The following PXT1 variants were observed in gnomAD, a reference collection of about 807,000 sequenced individuals.
PXT1 encodes peroxisomal testis-specific protein 1.
A neutral mutation model predicts 11.0 loss-of-function variants in PXT1; 11 were observed. The observed-to-expected ratio is 1.00, with a 90% confidence interval of 0.63 to 1.66. The LOEUF is 1.66. Among genes scored for constraint, PXT1 ranks in the 40% most tolerant of loss-of-function variants. PXT1 has a pLI of 0.00. For synonymous variants in PXT1, 43 were observed against 51.4 expected (o/e 0.84, Z 0.70); for missense variants, 141 against 155.5 (o/e 0.91, Z 0.49).
At chr6:36,392,037 T>A (rs1774076437) in intron 4 of PXT1, 163 bp from the exon 5 acceptor site, 1 of 584,554 alleles carries the variant, frequency 1.7e-6, no homozygotes, top group Non-Finnish European at 3.0e-6. Flanking sequence ...TGAAGGACAG[T>A]ACCTTCCATA....
chr6:36,417,750 A>C (rs1230974252), intron 3 of PXT1, among the ~76,000 whole-genome samples: 1 of 149,938 alleles, frequency 6.7e-6, no homozygotes, highest in Non-Finnish European at 1.5e-5. Context: ...CCTCGGAGAC[A>C]CAGTGAGATC....
At chr6:36,416,962 G>A (rs1215013954) in intron 3 of PXT1, among the ~76,000 whole-genome samples, 1 of 152,188 alleles carries the variant, frequency 6.6e-6, no homozygotes, top group Admixed American at 6.6e-5. Context: ...CTACAAAATG[G>A]GAGTTCATGT....
chr6:36,425,290 A>C (rs1774586926), intron 3 of PXT1, among the ~76,000 whole-genome samples: 1 of 152,162 alleles, frequency 6.6e-6, no homozygotes, highest in Non-Finnish European at 1.5e-5. Context: ...TGTCAGGTCC[A>C]ATTTAAAGAC....
At chr6:36,414,758 G>T (rs1774425534) in intron 3 of PXT1, among the ~76,000 whole-genome samples, 1 of 152,136 alleles carries the variant, frequency 6.6e-6, no homozygotes, top group African/African-American at 2.4e-5. Flanking sequence ...TCCACATTCT[G>T]GGCCATCTGC....
chr6:36,431,842 G>A (rs1763165016), intron 2 of PXT1, among the ~76,000 whole-genome samples: 1 of 152,168 alleles, frequency 6.6e-6, no homozygotes, highest in African/African-American at 2.4e-5. Flanking sequence ...AGGCCGAGGT[G>A]AGGATATCGT....
At chr6:36,393,456 C>T (rs2127408962) in intron 4 of PXT1, 2 of 152,972 alleles carry the variant, frequency 1.3e-5, no homozygotes, top group East Asian at 3.9e-4. Flanking sequence ...TCAGAAGTCA[C>T]CTTCTTGGTG....
intron 2 of PXT1, among the ~76,000 whole-genome samples, chr6:36,433,128 A>G (rs2127418301): frequency 6.6e-6 from 1 of 152,278 alleles, no homozygotes; most frequent in South Asian, 2.1e-4. Flanking sequence ...TAACATAAAA[A>G]AAATTCTAAA....
chr6:36,406,605 G>A (rs1048165921), intron 3 of PXT1, among the ~76,000 whole-genome samples: 1 of 152,108 alleles, frequency 6.6e-6, no homozygotes, highest in Non-Finnish European at 1.5e-5. Context: ...GAGGTCAGGA[G>A]TTCGAGACCA....
chr6:36,405,898 C>T (rs9394348), intron 3 of PXT1, among the ~76,000 whole-genome samples: 7,140 of 152,276 alleles, frequency 0.047, 483 homozygotes, highest in East Asian at 0.36. Flanking sequence ...CTAGGAGCAA[C>T]AGGCTATACC....
intron 4 of PXT1, among the ~76,000 whole-genome samples, chr6:36,392,898 C>T (rs563233544): frequency 1.3e-5 from 2 of 152,162 alleles, no homozygotes; most frequent in East Asian, 3.9e-4. Context: ...GATGGCACCA[C>T]CTCACTTAGA....
chr6:36,407,585 T>C (rs1774309052), intron 3 of PXT1, among the ~76,000 whole-genome samples: 1 of 152,108 alleles, frequency 6.6e-6, no homozygotes, highest in Non-Finnish European at 1.5e-5. Context: ...AATCTTTTTT[T>C]TTTTTTTGAG....
chr6:36,401,396 G>A (rs1774210647), intron 3 of PXT1, among the ~76,000 whole-genome samples: 2 of 152,106 alleles, frequency 1.3e-5, no homozygotes, highest in African/African-American at 4.8e-5. Flanking sequence ...AACTTTGGGA[G>A]GCCAAACTGG....
chr6:36,425,987 T>C lies in PXT1; in HGVS notation c.96A>G (p.Lys32=). 1 of 1,535,170 alleles carries C rather than the reference T, an allele frequency of 6.5e-7. No homozygotes were observed. Among genetic ancestry groups the C allele is most frequent in the East Asian group, 2.5e-5 (1 of 40,764 alleles). ...VTHCCKSLWL[K]YSFQKAYMTQ... is the part of the protein sequence containing the mutation. ...TCATGTATGCCTTCTGAAAACTGTATTTTAACCACAGTGATTTGCAACAAT... is the reference window on the plus strand; with the variant it reads ...TCATGTATGCCTTCTGAAAACTGTACTTTAACCACAGTGATTTGCAACAAT... The change falls in exon 3 of 5, where the codon AAA becomes AAG. Residue 32 remains lysine (K), a synonymous_variant. Transcript: ENST00000454782.
At chr6:36,400,432 G>C in intron 4 of PXT1, 22 bp downstream of exon 4, 1 of 1,611,774 alleles carries the variant, frequency 6.2e-7, no homozygotes, top group Non-Finnish European at 8.5e-7. Flanking sequence ...ACAGGCCCTG[G>C]CTGGGGAAAC....
At position 36,400,435 on chromosome 6, in the gene PXT1, G is replaced by A; in HGVS notation, c.300+19C>T. ...TCCTCCTACCTGACAGGCCCTGGCTGGGGAAACTGAAGCCTCACCTCTCGA... is the reference window on the plus strand; with the variant it reads ...TCCTCCTACCTGACAGGCCCTGGCTAGGGAAACTGAAGCCTCACCTCTCGA... On this transcript the variant is annotated intron_variant, in intron 4 of 4. Transcript: ENST00000454782. 3 of 1,611,932 alleles carry A rather than the reference G, an allele frequency of 1.9e-6. No individual in the cohort carries two copies. Among genetic ancestry groups the A allele is most frequent in the South Asian group, 1.1e-5 (1 of 90,948 alleles).
intron 4 of PXT1, among the ~76,000 whole-genome samples, chr6:36,399,978 G>A (rs577307162): frequency 3.9e-5 from 6 of 152,314 alleles, no homozygotes; most frequent in African/African-American, 1.2e-4. Flanking sequence ...AAAATGCCAG[G>A]TTCCCAGGCC....
At chr6:36,413,928 C>A (rs6922008) in intron 3 of PXT1, among the ~76,000 whole-genome samples, 1 of 152,190 alleles carries the variant, frequency 6.6e-6, no homozygotes, top group East Asian at 1.9e-4. Context: ...GAGCCCAGGA[C>A]TTCAAGGCTA....
intron 1 of PXT1, among the ~76,000 whole-genome samples, chr6:36,440,245 T>C (rs1237661286): frequency 6.6e-6 from 1 of 152,244 alleles, no homozygotes; most frequent in Non-Finnish European, 1.5e-5. Flanking sequence ...CAATTTACAA[T>C]AGCTATTATT....
chr6:36,416,309 A>G (rs1206958042), intron 3 of PXT1, among the ~76,000 whole-genome samples: 1 of 152,156 alleles, frequency 6.6e-6, no homozygotes, highest in Non-Finnish European at 1.5e-5. Context: ...TGATCATGCC[A>G]CTGCACTCCT....
Sources: allele counts gnomAD v4.1 joint callset (sites outside exome capture counted in the v4.1 genomes callset), GRCh38; gene constraint gnomAD v4.1.1; transcripts MANE v1.5; gene names NCBI Gene and HGNC (gene_info 2026-07-23, HGNC 2026-07-21).